The following AMMECR1 variants were observed in gnomAD, a reference collection of about 807,000 sequenced individuals.
AMMECR1 encodes nuclear protein AMMECR1.
A neutral mutation model predicts 22.5 loss-of-function variants in AMMECR1; 3 were observed. The ratio of observed to expected loss-of-function variants is 0.13; its 90% confidence interval spans 0.06 to 0.35. The LOEUF (loss-of-function observed/expected upper bound fraction) is 0.35, where lower values mean the gene tolerates loss of function less well. AMMECR1 is among the 10% of genes least tolerant of loss of function. The pLI is 1.00. For missense variants in AMMECR1, 235 were observed against 278.7 expected, an observed-to-expected ratio of 0.84 and a Z score of 1.12; for synonymous variants, 130 against 116.7, an observed-to-expected ratio of 1.11 and a Z score of -0.74.
At chrX:110,260,143 A>G (rs1007106275) in intron 2 of AMMECR1, among the ~76,000 whole-genome samples, 3 of 111,755 alleles carry the variant, frequency 2.7e-5, no homozygotes, top group Non-Finnish European at 5.6e-5. Flanking sequence ...ACTTTTATCA[A>G]TAATTCTGAG....
Position 110,203,034 on chromosome X carries a change from A to C in AMMECR1, c.700-498T>G, listed in dbSNP as rs975177606. On this transcript the variant is annotated intron_variant, in intron 3 of 5. Transcript: ENST00000262844. ...TTAAATTATACGTAGGCAAGCAAAC[A>C]CAGTCAGGTAAGATTGAAAATTAAT... Among the ~76,000 whole-genome samples, 10 of 112,021 alleles carry C rather than the reference A, an allele frequency of 8.9e-5. No individual in the cohort carries two copies. In the Admixed American group the frequency reaches 9.5e-4, roughly 11 times the overall value.
chrX:110,219,254 C>T, intron 2 of AMMECR1: 1 of 480,634 alleles, frequency 2.1e-6, no homozygotes, highest in Non-Finnish European at 2.6e-6. Flanking sequence ...TTCTACTTTC[C>T]CAGCAGCAAT....
chrX:110,316,315 C>T (rs1255035714), intron 1 of AMMECR1, among the ~76,000 whole-genome samples: 1 of 111,722 alleles, frequency 9.0e-6, no homozygotes, highest in Non-Finnish European at 1.9e-5. Context: ...CCTCTAATCT[C>T]ACAAAATGAA....
intron 1 of AMMECR1, among the ~76,000 whole-genome samples, chrX:110,439,460 A>C (rs1419765863): frequency 1.8e-5 from 2 of 112,378 alleles, no homozygotes; most frequent in Non-Finnish European, 3.8e-5. Context: ...CGCTTAAAAC[A>C]TCTTTCACTG....
chrX:110,222,160 G>A (rs1232552078), intron 2 of AMMECR1, among the ~76,000 whole-genome samples: 10 of 91,040 alleles, frequency 1.1e-4, no homozygotes, highest in Non-Finnish European at 1.5e-4. Flanking sequence ...TGTTTATTGC[G>A]GCATTATTCA....
Position 110,317,817 on chromosome X carries a change from C to T in AMMECR1, c.255G>A (p.Leu85=). The change falls in exon 1 of 6, where the codon CTG becomes CTA. Residue 85 remains leucine (L), a synonymous_variant. Transcript: ENST00000262844. ...GCGGGGGGIA[L]SPPPSCGVGT... ...CCACTCCGCAGCTCGGAGGTGGCGA[C>T]AGGGCGATCCCCCCGCCGCCGCCGC... 1.7e-6 allele frequency: 2 copies of T among 1,158,338 alleles called. No individual in the cohort carries two copies. The highest frequency in any genetic ancestry group is 2.3e-6 in the Non-Finnish European group (2 of 868,738).
intron 2 of AMMECR1, among the ~76,000 whole-genome samples, chrX:110,422,726 A>G (rs759487676): frequency 3.6e-5 from 4 of 112,092 alleles, no homozygotes; most frequent in African/African-American, 6.5e-5. Context: ...GAGAACTTAT[A>G]TGCTCTTTCC....
intron 2 of AMMECR1, among the ~76,000 whole-genome samples, chrX:110,410,095 C>A (rs1221555191): frequency 8.9e-6 from 1 of 111,807 alleles, no homozygotes; most frequent in East Asian, 2.8e-4. Context: ...CTCAGACTGA[C>A]TTTCTCGTTT....
At chrX:110,329,367 T>A (rs768104453) in intron 2 of AMMECR1, among the ~76,000 whole-genome samples, 18 of 112,319 alleles carry the variant, frequency 1.6e-4, no homozygotes, top group Non-Finnish European at 3.2e-4. Flanking sequence ...GAGGAAATAT[T>A]TTTTTAAAGC....
intron 2 of AMMECR1, among the ~76,000 whole-genome samples, chrX:110,223,322 T>C (rs770396629): frequency 8.9e-6 from 1 of 112,723 alleles, no homozygotes; most frequent in South Asian, 3.6e-4. Flanking sequence ...TATGTTTTTC[T>C]GATGAAAATC....
Position 110,381,990 on chromosome X carries a change from C to A in AMMECR1, c.-148+44668G>T, listed in dbSNP as rs187864962. The stretch of plus-strand genomic sequence containing the variant: ...CCCTTGTAATAAACCTGTACATGTA[C>A]CCCCTGAATCTAAAATAAAAATTAA... On this transcript the variant is annotated intron_variant, in intron 2 of 7. Transcript: ENST00000372057. Among the ~76,000 whole-genome samples, 72 of 110,793 alleles carry A rather than the reference C, an allele frequency of 6.5e-4. 1 individual carries two copies. Among genetic ancestry groups the A allele is most frequent in the African/African-American group, 2.3e-3 (69 of 30,463 alleles).
intron 2 of AMMECR1, among the ~76,000 whole-genome samples, chrX:110,389,325 G>C (rs1161588976): frequency 8.9e-6 from 1 of 112,224 alleles, no homozygotes. Flanking sequence ...ACCTTCATTG[G>C]TTTACACCTG....
rs190618374 is a variant in AMMECR1, at chrX:110,230,653, A to G, written c.585-14021T>C. 5.8e-3 allele frequency among the ~76,000 whole-genome samples: 650 copies of G among 112,315 alleles called. 2 individuals carry two copies. Among genetic ancestry groups the G allele is most frequent in the African/African-American group, 0.02 (604 of 30,873 alleles). ...AAAGGGTCACAGCTCCTCACCAGCAACGGAACAAAGTGGGACGGAGAATGA... is the reference window on the plus strand; with the variant it reads ...AAAGGGTCACAGCTCCTCACCAGCAGCGGAACAAAGTGGGACGGAGAATGA... On this transcript the variant is annotated intron_variant, in intron 2 of 5. Coordinates refer to ENST00000262844, the MANE Select transcript of AMMECR1 (RefSeq NM_015365.3).
rs1048797336 is a variant in AMMECR1, at chrX:110,317,820, G to A, written c.252C>T (p.Ala84=). 1.7e-6 allele frequency: 2 copies of A among 1,156,868 alleles called. No homozygotes were observed. Among genetic ancestry groups the A allele is most frequent in the Non-Finnish European group, 2.3e-6 (2 of 868,576 alleles). The change falls in exon 1 of 6, where the codon GCC becomes GCT. Residue 84 remains alanine, a synonymous_variant. Transcript: ENST00000262844. ...CTCCGCAGCTCGGAGGTGGCGACAG[G>A]GCGATCCCCCCGCCGCCGCCGCCGC... is the stretch of plus-strand genomic sequence containing the variant. ...QGCGGGGGGI[A]LSPPPSCGVG...
intron 2 of AMMECR1, among the ~76,000 whole-genome samples, chrX:110,340,123 T>C (rs902687023): frequency 9.1e-6 from 1 of 109,739 alleles, no homozygotes; most frequent in African/African-American, 3.3e-5. Context: ...GACTTAAACT[T>C]TGGGCCTCAT....
intron 1 of AMMECR1, among the ~76,000 whole-genome samples, chrX:110,284,417 G>C (rs2067868904): frequency 8.9e-6 from 1 of 112,112 alleles, no homozygotes; most frequent in Non-Finnish European, 1.9e-5. Flanking sequence ...TAGACTGCAT[G>C]AATCTAGAAA....
At chrX:110,280,329 C>T (rs1268207685) in intron 1 of AMMECR1, among the ~76,000 whole-genome samples, 1 of 110,874 alleles carries the variant, frequency 9.0e-6, no homozygotes, top group Non-Finnish European at 1.9e-5. Flanking sequence ...AATATTCCAA[C>T]AAGGAACTGA....
At chrX:110,354,527 G>A (rs899558027) in intron 2 of AMMECR1, among the ~76,000 whole-genome samples, 1 of 111,981 alleles carries the variant, frequency 8.9e-6, no homozygotes, top group Admixed American at 9.5e-5. Flanking sequence ...AGGAACTTGA[G>A]CATTTGTGGA....
intron 2 of AMMECR1, among the ~76,000 whole-genome samples, chrX:110,337,737 A>G (rs2068146614): frequency 1.8e-5 from 2 of 112,338 alleles, no homozygotes; most frequent in Non-Finnish European, 3.8e-5. Context: ...TGACTTGAAA[A>G]CAGTGTCTTG....
Sources: gnomAD v4.1 joint callset for allele counts (sites outside exome capture counted in the v4.1 genomes callset) on GRCh38, gnomAD v4.1.1 for gene constraint, MANE v1.5 for transcripts, NCBI Gene and HGNC (gene_info 2026-07-23, HGNC 2026-07-21) for gene names.